The following DAW1 variants were observed in gnomAD, a reference collection of about 807,000 sequenced individuals.
The protein encoded by DAW1 is dynein assembly factor with WD repeats 1.
In DAW1, 47 loss-of-function variants were observed where a neutral mutation model predicts 56.5. The observed-to-expected ratio is 0.83, with a 90% CI of 0.66 to 1.06. The LOEUF is 1.06. Among genes scored for constraint, DAW1 ranks in the 50% least tolerant of loss-of-function variants. DAW1 has a pLI of 0.00. For synonymous variants in DAW1, 190 were observed against 179.0 expected (o/e 1.06, Z -0.49); for missense variants, 505 against 499.3 (o/e 1.01, Z -0.11).
At chr2:227,879,678 G>T (rs1574647617) in intron 1 of DAW1, among the ~76,000 whole-genome samples, 1 of 151,758 alleles carries the variant, frequency 6.6e-6, no homozygotes. Context: ...ATTAAAATTT[G>T]TAATCAAGCT....
rs1468228247 is a variant in DAW1, at chr2:227,893,667, CT to C, written c.318-127del. Reference sequence around the variant, plus strand: ...AGCCTGAGTGACAGAGCGAGACTCCCTCTTAAACAAACAAACAAACAAACAA... The same window carrying C: ...AGCCTGAGTGACAGAGCGAGACTCCCCTTAAACAAACAAACAAACAAACAA... On this transcript the variant is annotated intron_variant, in intron 4 of 12. Coordinates refer to ENST00000309931, the MANE Select transcript of DAW1 (RefSeq NM_178821.3). The C allele has an allele frequency of 2.4e-6, 3 of 1,274,382 alleles. No homozygotes were observed. The African/African-American group carries it at 4.4e-5, about 19-fold the overall frequency. 78.9% of individuals were successfully genotyped at this position (1,274,382 alleles called of 1,614,324 possible). A position where few individuals can be genotyped will look rare whatever the true frequency, so the allele number is the denominator to read the frequency against.
At chr2:227,922,755 A>T (rs1254134231) in intron 12 of DAW1, among the ~76,000 whole-genome samples, 1 of 152,238 alleles carries the variant, frequency 6.6e-6, no homozygotes, top group African/African-American at 2.4e-5. Flanking sequence ...ACGATCTTCA[A>T]AATCTTTGGG....
chr2:227,877,140 T>C (rs1690900992), intron 1 of DAW1, among the ~76,000 whole-genome samples: 1 of 152,190 alleles, frequency 6.6e-6, no homozygotes, highest in Non-Finnish European at 1.5e-5. Flanking sequence ...TGGGAAACAG[T>C]CACTGAAGAA....
chr2:227,896,593 AGTGTGTGTGTGTGTGTGT>A (rs5839240), intron 5 of DAW1, among the ~76,000 whole-genome samples: 13 of 143,672 alleles, frequency 9.0e-5, no homozygotes, highest in African/African-American at 2.8e-4. Context: ...AATAAGAGGG[AGTGTGTGTGTGTGTGTGT>A]GTGTGTGTGT....
chr2:227,888,579 C>T (rs1013689980), intron 2 of DAW1, among the ~76,000 whole-genome samples: 1 of 152,216 alleles, frequency 6.6e-6, no homozygotes, highest in South Asian at 2.1e-4. Context: ...AGAGAAGAGG[C>T]AGCCCTGGCC....
At chr2:227,903,268 TG>T (rs2106203906) in intron 7 of DAW1, among the ~76,000 whole-genome samples, 159 bp downstream of exon 7, 1 of 152,250 alleles carries the variant, frequency 6.6e-6, no homozygotes, top group South Asian at 2.1e-4. Flanking sequence ...CCAAAAGACT[TG>T]GGTGGAGGTG....
rs1303848765 is a variant in DAW1, at chr2:227,903,228, AAG to A, written c.648+122_648+123del. 4 of 1,010,980 alleles carry A rather than the reference AAG, an allele frequency of 4.0e-6. No homozygotes were observed. In the Admixed American group the frequency reaches 8.7e-5, roughly 22 times the overall value. 62.6% of individuals were successfully genotyped at this position (1,010,980 alleles called of 1,614,324 possible). ...GCTGGTTTTCAAATTTTAGTGGTGA[AAG>A]AGTGTCCCTACTGGTTTCCTGGCTA... is the stretch of plus-strand genomic sequence containing the variant. On this transcript the variant is annotated intron_variant, in intron 7 of 12. Coordinates refer to ENST00000309931, the MANE Select transcript of DAW1 (RefSeq NM_178821.3).
chr2:227,884,786 T>G (rs1223345475), intron 1 of DAW1, among the ~76,000 whole-genome samples: 1 of 152,150 alleles, frequency 6.6e-6, no homozygotes, highest in Non-Finnish European at 1.5e-5. Flanking sequence ...GTTGCCCCTT[T>G]TGCAAGTGGA....
chr2:227,901,197 G>A (rs929710758), intron 6 of DAW1, among the ~76,000 whole-genome samples: 4 of 152,144 alleles, frequency 2.6e-5, no homozygotes, highest in Admixed American at 1.3e-4. Context: ...GTAGAACTTG[G>A]TTACTAAGTA....
intron 11 of DAW1, among the ~76,000 whole-genome samples, chr2:227,919,513 G>A (rs912860755): frequency 4.6e-5 from 7 of 152,136 alleles, no homozygotes; most frequent in East Asian, 1.9e-4. Flanking sequence ...TATGTTGTGC[G>A]AAAAATATGC....
chr2:227,893,274 G>A (rs1174806304), intron 4 of DAW1, among the ~76,000 whole-genome samples: 1 of 148,656 alleles, frequency 6.7e-6, no homozygotes. Context: ...TGTCTCGGGG[G>A]TGGGGTGGGG....
At chr2:227,906,856 C>T (rs776822853) in intron 9 of DAW1, among the ~76,000 whole-genome samples, 4 of 152,178 alleles carry the variant, frequency 2.6e-5, no homozygotes, top group Non-Finnish European at 5.9e-5. Context: ...ACCAGTAAAG[C>T]ATACACGTTG....
chr2:227,874,604 A>G (rs777140018), intron 1 of DAW1, among the ~76,000 whole-genome samples: 6 of 151,986 alleles, frequency 3.9e-5, no homozygotes, highest in Non-Finnish European at 7.4e-5. Flanking sequence ...TTCTGTGTCT[A>G]TCTTGTTGGT....
chr2:227,877,167 C>A (rs938345704), intron 1 of DAW1, among the ~76,000 whole-genome samples: 11 of 152,274 alleles, frequency 7.2e-5, no homozygotes, highest in African/African-American at 2.6e-4. Flanking sequence ...GTATTTCTGG[C>A]AGCATCTTTG....
rs746150635 is a variant in DAW1, at chr2:227,903,056, A to G, written c.595A>G (p.Thr199Ala). ...STLVATGSMD[T>A]TAKLWDIQNG... ...ATTGGTGGCGACTGGAAGTATGGAC[A>G]CAACAGCCAAATTGTGGGACATTCA... is the stretch of plus-strand genomic sequence containing the variant. The change falls in exon 7 of 13, where the codon ACA becomes GCA. Residue 199 changes from threonine (T) to alanine (A), a missense_variant. Coordinates refer to ENST00000309931, the MANE Select transcript of DAW1 (RefSeq NM_178821.3). 1 of 1,614,212 alleles carries G rather than the reference A, an allele frequency of 6.2e-7. No individual in the cohort carries two copies. The highest frequency in any genetic ancestry group is 2.2e-5 in the East Asian group (1 of 44,884).
chr2:227,909,246 A>ATCTG (rs1691760788), intron 10 of DAW1, among the ~76,000 whole-genome samples: 1 of 139,322 alleles, frequency 7.2e-6, no homozygotes, highest in Non-Finnish European at 1.5e-5. Flanking sequence ...CTATCTATCT[A>ATCTG]TCTATCTATC....
chr2:227,903,776 A>G (rs1691610216), intron 7 of DAW1, among the ~76,000 whole-genome samples: 1 of 151,854 alleles, frequency 6.6e-6, no homozygotes, highest in South Asian at 2.1e-4. Flanking sequence ...CCAGATGGGA[A>G]ATTCAGTTTC....
At chr2:227,900,690 G>T (rs571803587) in intron 6 of DAW1, among the ~76,000 whole-genome samples, 1 of 152,160 alleles carries the variant, frequency 6.6e-6, no homozygotes, top group Non-Finnish European at 1.5e-5. Context: ...AACTCAGGTG[G>T]CTCTGTGTGA....
intron 1 of DAW1, among the ~76,000 whole-genome samples, chr2:227,883,885 T>A (rs1325603944): frequency 6.6e-6 from 1 of 152,200 alleles, no homozygotes; most frequent in Non-Finnish European, 1.5e-5. Flanking sequence ...ATTTAAAAAA[T>A]TTCTCAATTT....
Sources: allele counts gnomAD v4.1 joint callset (sites outside exome capture counted in the v4.1 genomes callset), GRCh38; gene constraint gnomAD v4.1.1; transcripts MANE v1.5; gene names NCBI Gene and HGNC (gene_info 2026-07-23, HGNC 2026-07-21).